VAPA: variants seen among roughly 807,000 people sequenced by gnomAD.
VAPA encodes VAMP associated protein A, also known as vesicle-associated membrane protein-associated protein A.
Under a neutral mutation model 25.6 loss-of-function variants are expected in VAPA, and 6 were observed. The observed-to-expected ratio is 0.23, with a 90% CI of 0.13 to 0.46. VAPA has a LOEUF of 0.46. Among genes scored for constraint, VAPA ranks in the 20% least tolerant of loss-of-function variants. VAPA has a pLI of 0.99. For synonymous variants in VAPA, 112 were observed against 106.2 expected (o/e 1.05, Z -0.34); for missense variants, 244 against 302.1 (o/e 0.81, Z 1.43).
rs1208408925 is a variant in VAPA at position 9,959,228 on chromosome 18, CACAA to C, written c.*5021_*5024del. On this transcript the variant is annotated 3_prime_UTR_variant, in exon 6 of 6. Coordinates refer to ENST00000400000, the MANE Select transcript of VAPA (RefSeq NM_194434.3). ...TGGTCCAAGTCAAATATTGACTCCT[CACAA>C]ACAGTAAGTATGGCAATTTTGTGAT... 2 of 152,188 alleles carry C rather than the reference CACAA, an allele frequency of 1.3e-5. No individual in the cohort carries two copies. The highest frequency in any genetic ancestry group is 2.4e-5 in the African/African-American group (1 of 41,446). The allele number at this position is 152,188 out of a possible 1,614,324, so 9.4% of individuals were successfully genotyped here.
intron 4 of VAPA, chr18:9,948,410 A>C (rs971047077): frequency 6.6e-6 from 1 of 152,218 alleles, no homozygotes; most frequent in Non-Finnish European, 1.5e-5. Context: ...TAGTAATATA[A>C]ATAATAGTTT....
intron 3 of VAPA, chr18:9,936,763 A>G (rs1027092353): frequency 2.2e-6 from 1 of 456,960 alleles, no homozygotes; most frequent in Non-Finnish European, 3.9e-6. Context: ...TATGGTTGCT[A>G]GTAATATCAT....
chr18:9,914,380 C>T, intron 1 of VAPA, 45 bp downstream of exon 1: 1 of 1,519,030 alleles, frequency 6.6e-7, no homozygotes, highest in Non-Finnish European at 8.8e-7. Context: ...GGCGCGCGGA[C>T]CGCTGGCTGT....
At chr18:9,948,082 C>T (rs1599116596) in intron 4 of VAPA, 1 of 152,080 alleles carries the variant, frequency 6.6e-6, no homozygotes, top group African/African-American at 2.4e-5. Context: ...TCTGTTTATG[C>T]TCCACATATT....
chr18:9,915,435 A>T (rs906669861), intron 1 of VAPA, among the ~76,000 whole-genome samples: 1 of 152,074 alleles, frequency 6.6e-6, no homozygotes, highest in African/African-American at 2.4e-5. Context: ...AAATGTACAG[A>T]TTTTTATTTT....
intron 1 of VAPA, among the ~76,000 whole-genome samples, chr18:9,922,494 T>C (rs1376183292): frequency 6.6e-6 from 1 of 152,144 alleles, no homozygotes; most frequent in East Asian, 1.9e-4. Context: ...CTCAATGGCA[T>C]AGGAAATCAG....
At chr18:9,942,367 A>T (rs535913419) in intron 4 of VAPA, among the ~76,000 whole-genome samples, 24 of 152,296 alleles carry the variant, frequency 1.6e-4, no homozygotes, top group African/African-American at 5.5e-4. Flanking sequence ...TGCAATAGCT[A>T]TCATAATTGT....
chr18:9,945,673 T>TTTG (rs1177266854), intron 4 of VAPA, among the ~76,000 whole-genome samples: 1 of 152,142 alleles, frequency 6.6e-6, no homozygotes, highest in East Asian at 1.9e-4. Context: ...AACCCCACAG[T>TTTG]TTTAACAGAT....
At chr18:9,950,857 C>T in intron 5 of VAPA, 1 of 359,092 alleles carries the variant, frequency 2.8e-6, no homozygotes. Flanking sequence ...GTGCCCTAGT[C>T]ATACTGAACT....
At chr18:9,917,305 T>A (rs1042773884) in intron 1 of VAPA, among the ~76,000 whole-genome samples, 16 of 152,350 alleles carry the variant, frequency 1.1e-4, no homozygotes, top group East Asian at 5.8e-4. Flanking sequence ...GCAGTTTTTT[T>A]AAATTTTTTT....
rs869048248 is a variant in VAPA at position 9,945,350 on chromosome 18, CTTTTTTTTTTTTTTTTTT to C, written c.418-5034_418-5017del. On this transcript the variant is annotated intron_variant, in intron 4 of 5. Transcript: ENST00000400000. ...TTCTTTGAGATTTGGGGAATATACT[CTTTTTTTTTTTTTTTTTT>C]TTTTTTTTTTGAGATGGAGTCTCGC... Among the ~76,000 whole-genome samples, 7 of 57,306 alleles carry C rather than the reference CTTTTTTTTTTTTTTTTTT, an allele frequency of 1.2e-4. No individual in the cohort carries two copies. In the East Asian group the frequency reaches 3.0e-3, roughly 25 times the overall value. The allele number at this position is 57,306 out of a possible 152,430, so 37.6% of individuals were successfully genotyped here.
intron 2 of VAPA, among the ~76,000 whole-genome samples, 177 bp downstream of exon 2, chr18:9,932,139 ATCT>A (rs1394594768): frequency 3.3e-5 from 5 of 152,216 alleles, no homozygotes; most frequent in African/African-American, 9.6e-5. Context: ...TTTCTCACTC[ATCT>A]TCTGTGTAGG....
chr18:9,946,809 T>G (rs1169650272), intron 4 of VAPA, among the ~76,000 whole-genome samples: 1 of 152,188 alleles, frequency 6.6e-6, no homozygotes, highest in African/African-American at 2.4e-5. Flanking sequence ...ATTTTTTTCT[T>G]TAATCTTAGC....
chr18:9,929,685 G>C (rs2069233747), intron 1 of VAPA, among the ~76,000 whole-genome samples: 1 of 152,108 alleles, frequency 6.6e-6, no homozygotes, highest in African/African-American at 2.4e-5. Context: ...ATGGTCATCA[G>C]TACTTGATAA....
chr18:9,923,627 A>AAT (rs1555615315), intron 1 of VAPA, among the ~76,000 whole-genome samples: 2 of 152,114 alleles, frequency 1.3e-5, no homozygotes, highest in Non-Finnish European at 2.9e-5. Context: ...TAAATCATAC[A>AAT]GTGTTTCCTG....
At chr18:9,927,857 G>A (rs2069214760) in intron 1 of VAPA, among the ~76,000 whole-genome samples, 3 of 152,122 alleles carry the variant, frequency 2.0e-5, no homozygotes, top group African/African-American at 7.2e-5. Flanking sequence ...GGCAGTGACA[G>A]CTGTAGAGGA....
Position 9,936,995 on chromosome 18 carries a change from G to A in VAPA, c.346G>A (p.Ala116Thr). The change falls in exon 4 of 6, where the codon GCA (alanine) becomes ACA (threonine). Residue 116 changes from alanine to threonine, a missense_variant. Transcript: ENST00000400000. ...TTTTGTTTATTTTTAGTGGAAAGAG[G>A]CAAAACCTGATGAATTAATGGATTC... ...TSDMEAVWKE[A>T]KPDELMDSKL... is the part of the protein sequence containing the mutation. 6.2e-7 allele frequency: 1 copy of A among 1,613,448 alleles called. No individual in the cohort carries two copies. Among genetic ancestry groups the A allele is most frequent in the Non-Finnish European group, 8.5e-7 (1 of 1,179,656 alleles).
rs546100112 is a variant in VAPA at position 9,958,722 on chromosome 18, T to C, written c.*4511T>C. 4.6e-5 allele frequency: 7 copies of C among 152,330 alleles called. No homozygotes were observed. Among genetic ancestry groups the C allele is most frequent in the South Asian group, 2.1e-4 (1 of 4,830 alleles). 9.4% of individuals were successfully genotyped at this position (152,330 alleles called of 1,614,324 possible). On this transcript the variant is annotated 3_prime_UTR_variant, in exon 6 of 6. Transcript: ENST00000400000. ...AATACAGGGGAACTTAAAATACTTA[T>C]TTTTCTTTAAACTGCAGGAGTCACT...
intron 4 of VAPA, among the ~76,000 whole-genome samples, chr18:9,941,485 CTAAAGA>C (rs2069365948): frequency 6.6e-6 from 1 of 151,984 alleles, no homozygotes; most frequent in African/African-American, 2.4e-5. Context: ...TTATGTCTAT[CTAAAGA>C]TAAACAAAAC....
Sources: gnomAD v4.1 joint callset for allele counts (sites outside exome capture counted in the v4.1 genomes callset) on GRCh38, gnomAD v4.1.1 for gene constraint, MANE v1.5 for transcripts, NCBI Gene and HGNC (gene_info 2026-07-23, HGNC 2026-07-21) for gene names.